The following ZNF366 variants were observed in gnomAD, a reference collection of about 807,000 sequenced individuals.
ZNF366 encodes the protein dendritic cell-specific transcript protein.
A neutral mutation model predicts 47.2 loss-of-function variants in ZNF366; 20 were observed. The observed-to-expected ratio is 0.42, with a 90% CI of 0.30 to 0.62. ZNF366 has a LOEUF of 0.62. ZNF366 is among the 20% of genes least tolerant of loss of function. ZNF366 has a pLI of 0.16. For synonymous variants in ZNF366, 421 were observed against 395.1 expected, an observed-to-expected ratio of 1.07 and a Z score of -0.78; for missense variants, 987 against 976.3, an observed-to-expected ratio of 1.01 and a Z score of -0.15.
chr5:72,506,726 C>T (rs1458213590), intron 1 of ZNF366, among the ~76,000 whole-genome samples: 1 of 152,220 alleles, frequency 6.6e-6, no homozygotes, highest in African/African-American at 2.4e-5. Flanking sequence ...ATTCCCTTCT[C>T]TCTTTCCCTT....
At chr5:72,444,371 G>T in intron 4 of ZNF366, 80 bp from the exon 5 acceptor site, 1 of 1,457,778 alleles carries the variant, frequency 6.9e-7, no homozygotes, top group South Asian at 1.3e-5. Context: ...GCAGCCCGGG[G>T]CCGTTTAATG....
chr5:72,496,063 G>T (rs1339614674), intron 1 of ZNF366, among the ~76,000 whole-genome samples: 1 of 151,384 alleles, frequency 6.6e-6, no homozygotes, highest in Non-Finnish European at 1.5e-5. Flanking sequence ...GTTGGAGATT[G>T]CTCCCTTATC....
intron 2 of ZNF366, 30 bp from the exon 3 acceptor site, chr5:72,456,625 T>C (rs751455188): frequency 6.4e-7 from 1 of 1,550,478 alleles, no homozygotes; most frequent in African/African-American, 1.4e-5. Flanking sequence ...AGAAAAGTGG[T>C]GATTGACAGG....
intron 1 of ZNF366, among the ~76,000 whole-genome samples, chr5:72,465,242 G>A (rs1422874977): frequency 1.3e-5 from 2 of 150,772 alleles, no homozygotes; most frequent in Non-Finnish European, 2.9e-5. Context: ...TTGAAAGAGA[G>A]ATCAGCTGTG....
chr5:72,496,966 T>C (rs1408564550), intron 1 of ZNF366, among the ~76,000 whole-genome samples: 1 of 152,220 alleles, frequency 6.6e-6, no homozygotes, highest in Non-Finnish European at 1.5e-5. Flanking sequence ...TGTCCATTTT[T>C]AAATTGGGTT....
chr5:72,456,636 T>A, intron 2 of ZNF366, 41 bp from the exon 3 acceptor site: 1 of 1,536,572 alleles, frequency 6.5e-7, no homozygotes. Flanking sequence ...GATTGACAGG[T>A]AACATGCTTT....
chr5:72,461,687 C>T (rs1360905454), intron 1 of ZNF366, among the ~76,000 whole-genome samples, 177 bp from the exon 2 acceptor site: 1 of 152,130 alleles, frequency 6.6e-6, no homozygotes, highest in Non-Finnish European at 1.5e-5. Flanking sequence ...CTTGCAAACC[C>T]AGTTATCAAT....
chr5:72,494,836 AG>A (rs1371039374), intron 1 of ZNF366, among the ~76,000 whole-genome samples: 3 of 152,178 alleles, frequency 2.0e-5, no homozygotes, highest in Non-Finnish European at 4.4e-5. Flanking sequence ...TACTATGGCA[AG>A]GAGGTTATGC....
At chr5:72,447,110 T>C (rs1742975123) in intron 4 of ZNF366, 133 bp downstream of exon 4, 5 of 996,140 alleles carry the variant, frequency 5.0e-6, no homozygotes, top group Non-Finnish European at 7.3e-6. Context: ...CTAGTAACAT[T>C]ATAAGGTTAC....
chr5:72,470,864 C>T (rs968346871), intron 1 of ZNF366, among the ~76,000 whole-genome samples: 1 of 152,176 alleles, frequency 6.6e-6, no homozygotes, highest in Admixed American at 6.5e-5. Context: ...AATGGATGGC[C>T]CCTGCTTCAT....
intron 1 of ZNF366, among the ~76,000 whole-genome samples, chr5:72,485,921 C>T (rs1743882895): frequency 6.6e-6 from 1 of 152,174 alleles, no homozygotes; most frequent in Non-Finnish European, 1.5e-5. Flanking sequence ...GCCTGGACAG[C>T]TCTTCCCCAA....
rs1162218746 is a variant in ZNF366 at position 72,460,952 on chromosome 5, G to A, written c.545C>T (p.Pro182Leu). 2.5e-6 allele frequency: 4 copies of A among 1,612,278 alleles called. No homozygotes were observed. The highest frequency in any genetic ancestry group is 1.3e-5 in the African/African-American group (1 of 74,862). The change falls in exon 2 of 5, where the codon CCG (proline) becomes CTG (leucine). Residue 182 changes from proline (P) to leucine (L), a missense_variant. This residue lies in a region of ZNF366 where 591 missense variants were observed against 560.9 expected (regional missense o/e 1.05). Transcript: ENST00000318442. ...TPYPYYPKVH[P>L]GLMFPFFVPS... ...CACGAAGAAGGGGAACATGAGGCCC[G>A]GGTGGACTTTGGGGTAGTAGGGGTA...
At chr5:72,446,472 G>C (rs1224347649) in intron 4 of ZNF366, among the ~76,000 whole-genome samples, 1 of 152,226 alleles carries the variant, frequency 6.6e-6, no homozygotes, top group Non-Finnish European at 1.5e-5. Context: ...TGGTTGATTA[G>C]ACGATTAAGG....
intron 1 of ZNF366, among the ~76,000 whole-genome samples, chr5:72,488,419 T>C (rs1463322103): frequency 6.6e-6 from 1 of 152,124 alleles, no homozygotes; most frequent in African/African-American, 2.4e-5. Context: ...CCCTGGATTA[T>C]GAACATCCAA....
intron 2 of ZNF366, among the ~76,000 whole-genome samples, chr5:72,458,638 G>T (rs10474065): frequency 0.18 from 28,058 of 152,126 alleles, 2,799 homozygotes; most frequent in East Asian, 0.43. Context: ...AGGCACAGGT[G>T]CCTGTGTCAG....
chr5:72,472,250 A>C (rs1743581783), intron 1 of ZNF366, among the ~76,000 whole-genome samples: 2 of 152,352 alleles, frequency 1.3e-5, no homozygotes, highest in South Asian at 4.1e-4. Context: ...GAGCTACTAG[A>C]GGAATATTGA....
intron 4 of ZNF366, among the ~76,000 whole-genome samples, chr5:72,445,511 A>G (rs1376958028): frequency 6.6e-6 from 1 of 152,232 alleles, no homozygotes; most frequent in Non-Finnish European, 1.5e-5. Flanking sequence ...CAAAAGCTAG[A>G]GTGAAAAATA....
In ZNF366 at chr5:72,442,699, A is replaced by G. The variant is rs1172523986; in HGVS notation, c.*1057T>C. ...GAGGCAGAGTCTCACTCTGTCACCC[A>G]GGCTGTAGTGCAGTAGCGTGATCTC... is the stretch of plus-strand genomic sequence containing the variant. On this transcript the variant is annotated 3_prime_UTR_variant, in exon 5 of 5. Coordinates refer to ENST00000318442, the MANE Select transcript of ZNF366 (RefSeq NM_152625.3). 2 of 131,002 alleles carry G rather than the reference A, an allele frequency of 1.5e-5. No homozygotes were observed. The highest frequency in any genetic ancestry group is 3.1e-5 in the Non-Finnish European group (2 of 64,508). 8.1% of individuals were successfully genotyped at this position (131,002 alleles called of 1,614,324 possible).
At position 72,465,485 on chromosome 5, in the gene ZNF366, T is replaced by C. The variant is rs547365540; in HGVS notation, c.-14-3975A>G. On this transcript the variant is annotated intron_variant, in intron 1 of 4. Coordinates refer to ENST00000318442, the MANE Select transcript of ZNF366 (RefSeq NM_152625.3). The stretch of plus-strand genomic sequence containing the variant: ...CTCAGCAAAAATATTAATAGATTCA[T>C]AGAAAACCTCAATGTGTACCACCCA... Among the ~76,000 whole-genome samples the C allele has an allele frequency of 3.9e-5, 6 of 152,280 alleles. No homozygotes were observed. The South Asian group carries it at 1.0e-3, about 26-fold the overall frequency.
Sources: gnomAD v4.1 joint callset for allele counts (sites outside exome capture counted in the v4.1 genomes callset) on GRCh38, gnomAD v4.1.1 for gene constraint, gnomAD v4.1.1 regional missense constraint, MANE v1.5 for transcripts, NCBI Gene and HGNC (gene_info 2026-07-23, HGNC 2026-07-21) for gene names.